RALYL: variants seen among roughly 807,000 people sequenced by gnomAD.
RALYL encodes the protein RNA-binding Raly-like protein.
RALYL carries 29 observed loss-of-function variants against 35.1 expected under a neutral mutation model. The observed-to-expected ratio is 0.83, with a 90% CI of 0.61 to 1.13. The LOEUF is 1.13. RALYL is among the 50% of genes most tolerant of loss of function. The pLI is 0.00. For synonymous variants in RALYL, 120 were observed against 127.6 expected (o/e 0.94, Z 0.40); for missense variants, 359 against 360.4 (o/e 1.00, Z 0.03).
At chr8:84,457,440 CT>C (rs2050261614) in intron 1 of RALYL, among the ~76,000 whole-genome samples, 2 of 151,898 alleles carry the variant, frequency 1.3e-5, no homozygotes, top group South Asian at 4.1e-4. Flanking sequence ...GCCATGTTGC[CT>C]TTTACCAAAT....
At chr8:84,572,566 T>G (rs185565714) in intron 2 of RALYL, among the ~76,000 whole-genome samples, 1 of 151,950 alleles carries the variant, frequency 6.6e-6, no homozygotes, top group Admixed American at 6.6e-5. Context: ...ATTAGGCAAA[T>G]CATCTTTCCT....
chr8:84,468,687 G>A (rs1441728133), intron 1 of RALYL, among the ~76,000 whole-genome samples: 7 of 149,560 alleles, frequency 4.7e-5, no homozygotes, highest in African/African-American at 1.7e-4. Flanking sequence ...CTGAACGTTG[G>A]CCTGCCTTGC....
At chr8:84,328,402 A>G (rs999571094) in intron 1 of RALYL, among the ~76,000 whole-genome samples, 1 of 152,184 alleles carries the variant, frequency 6.6e-6, no homozygotes, top group Non-Finnish European at 1.5e-5. Flanking sequence ...TCTGACAGAC[A>G]TTGTACTTCA....
chr8:84,555,043 G>A (rs1387850500), intron 2 of RALYL, among the ~76,000 whole-genome samples: 3 of 152,146 alleles, frequency 2.0e-5, no homozygotes, highest in Non-Finnish European at 4.4e-5. Context: ...CACTTTGGGA[G>A]GCTAAGGCGG....
At chr8:84,687,321 AT>A (rs1442563121) in intron 2 of RALYL, among the ~76,000 whole-genome samples, 2 of 152,102 alleles carry the variant, frequency 1.3e-5, no homozygotes, top group Non-Finnish European at 2.9e-5. Context: ...ATGTCTTATA[AT>A]TTCCAATGTT....
intron 2 of RALYL, among the ~76,000 whole-genome samples, chr8:84,642,647 G>A (rs1564295044): frequency 2.0e-5 from 3 of 152,044 alleles, no homozygotes; most frequent in African/African-American, 7.2e-5. Context: ...GTAACCAGCT[G>A]GAGTCTTAAA....
chr8:84,290,890 G>T (rs2043777618), intron 1 of RALYL, among the ~76,000 whole-genome samples: 1 of 152,086 alleles, frequency 6.6e-6, no homozygotes, highest in Non-Finnish European at 1.5e-5. Flanking sequence ...TAATACTTTT[G>T]ATATGTATAA....
In RALYL at chr8:84,183,742, C is replaced by T. The variant is rs2130777650; in HGVS notation, c.-706C>T. 6.6e-6 allele frequency: 1 copy of T among 151,380 alleles called. No individual in the cohort carries two copies. The highest frequency in any genetic ancestry group is 1.5e-5 in the Non-Finnish European group (1 of 67,842). 9.4% of individuals were successfully genotyped at this position (151,380 alleles called of 1,614,324 possible). A position where few individuals can be genotyped will look rare whatever the true frequency, so the allele number is the denominator to read the frequency against. On this transcript the variant is annotated 5_prime_UTR_variant, in exon 1 of 9. Transcript: ENST00000521268. ...CATGGTTTTGAGCCTTTTCCTGAAT[C>T]CAAGTTTTTCTAGCATGCGATCGTT...
intron 1 of RALYL, among the ~76,000 whole-genome samples, chr8:84,447,971 A>G (rs1477439962): frequency 6.6e-6 from 1 of 152,090 alleles, no homozygotes; most frequent in African/African-American, 2.4e-5. Flanking sequence ...TTTGTGTATT[A>G]GCAACAGAGA....
intron 1 of RALYL, among the ~76,000 whole-genome samples, chr8:84,511,746 T>C (rs998684172): frequency 2.0e-5 from 3 of 152,146 alleles, no homozygotes; most frequent in African/African-American, 7.2e-5. Flanking sequence ...TAAGTATCAT[T>C]CTACTCTCTA....
At chr8:84,686,295 C>A (rs1836763340) in intron 2 of RALYL, among the ~76,000 whole-genome samples, 1 of 152,062 alleles carries the variant, frequency 6.6e-6, no homozygotes, top group African/African-American at 2.4e-5. Flanking sequence ...GAAAGGGAAC[C>A]AGGCCAAGGA....
At position 84,743,366 on chromosome 8, in the gene RALYL, G is replaced by T. The variant is rs532233451; in HGVS notation, c.257-31213G>T. Among the ~76,000 whole-genome samples, 3 of 151,882 alleles carry T rather than the reference G, an allele frequency of 2.0e-5. No homozygotes were observed. The South Asian group carries it at 6.2e-4, about 31-fold the overall frequency. On this transcript the variant is annotated intron_variant, in intron 2 of 8. Transcript: ENST00000521268. The stretch of plus-strand genomic sequence containing the variant: ...CTGCATGGGATCACAGTGATTATCA[G>T]GAAATGAAAGATCCAACCAATGATG...
intron 2 of RALYL, among the ~76,000 whole-genome samples, chr8:84,562,511 A>G (rs921582267): frequency 2.0e-5 from 3 of 152,076 alleles, no homozygotes; most frequent in African/African-American, 7.2e-5. Context: ...CCTTATAGTT[A>G]TAATTAGGAG....
At chr8:84,326,728 T>C (rs1247048934) in intron 1 of RALYL, among the ~76,000 whole-genome samples, 2 of 152,218 alleles carry the variant, frequency 1.3e-5, no homozygotes, top group Non-Finnish European at 2.9e-5. Context: ...TGCAATTATA[T>C]GTGACAGATA....
intron 1 of RALYL, among the ~76,000 whole-genome samples, chr8:84,393,953 C>A (rs944437703): frequency 6.6e-6 from 1 of 152,040 alleles, no homozygotes; most frequent in Non-Finnish European, 1.5e-5. Flanking sequence ...TGAAATCCAG[C>A]TCTCTGAATT....
intron 5 of RALYL, among the ~76,000 whole-genome samples, chr8:84,858,589 G>C (rs1415819668): frequency 1.3e-5 from 2 of 152,290 alleles, no homozygotes; most frequent in Non-Finnish European, 1.5e-5. Context: ...CATTTCTGCT[G>C]TCAGTCTACA....
chr8:84,348,868 G>C (rs1258600218), intron 1 of RALYL, among the ~76,000 whole-genome samples: 1 of 149,974 alleles, frequency 6.7e-6, no homozygotes, highest in African/African-American at 2.5e-5. Flanking sequence ...GCCAGGGTTA[G>C]GGTTAGGTGA....
At chr8:84,815,868 T>A (rs529014382) in intron 4 of RALYL, among the ~76,000 whole-genome samples, 1 of 151,596 alleles carries the variant, frequency 6.6e-6, no homozygotes, top group African/African-American at 2.4e-5. Flanking sequence ...ACCCCAGCTC[T>A]ACTAAAAATA....
In RALYL at chr8:84,213,819, A is replaced by G. The variant is rs191570518; in HGVS notation, c.-24+29395A>G. Among the ~76,000 whole-genome samples the G allele has an allele frequency of 1.3e-3, 199 of 152,340 alleles. 1 individual carries two copies. Among genetic ancestry groups the G allele is most frequent in the African/African-American group, 4.4e-3 (185 of 41,586 alleles). On this transcript the variant is annotated intron_variant, in intron 1 of 8. Coordinates refer to ENST00000521268, the MANE Select transcript of RALYL (RefSeq NM_173848.7). The stretch of plus-strand genomic sequence containing the variant: ...TCGAATGCTCAATTGACATACATAC[A>G]TATTGGAAGTTATGTATGCAATAAC...
Sources: gnomAD v4.1 joint callset for allele counts (sites outside exome capture counted in the v4.1 genomes callset) on GRCh38, gnomAD v4.1.1 for gene constraint, MANE v1.5 for transcripts, NCBI Gene and HGNC (gene_info 2026-07-23, HGNC 2026-07-21) for gene names.